GRAMD1B: variants seen among roughly 807,000 people sequenced by gnomAD.
GRAMD1B encodes the protein protein Aster-B.
In GRAMD1B, 37 loss-of-function variants were observed where a neutral mutation model predicts 99.7. The observed-to-expected ratio is 0.37, with a 90% CI of 0.29 to 0.49. The LOEUF (loss-of-function observed/expected upper bound fraction) is 0.49. Among genes scored for constraint, GRAMD1B ranks in the 20% least tolerant of loss-of-function variants. The pLI, the probability that GRAMD1B is intolerant of heterozygous loss-of-function variation, is 0.98. For missense variants in GRAMD1B, 888 were observed against 1,009.2 expected, an observed-to-expected ratio of 0.88 and a Z score of 1.63; for synonymous variants, 427 against 387.6, an observed-to-expected ratio of 1.10 and a Z score of -1.19.
chr11:123,572,936 C>T (rs1292348629), intron 2 of GRAMD1B, among the ~76,000 whole-genome samples: 1 of 149,838 alleles, frequency 6.7e-6, no homozygotes, highest in East Asian at 2.0e-4. Flanking sequence ...ACAAAGAGGC[C>T]CCGATGGCTG....
At chr11:123,362,108 T>TCC (rs1236527981) in intron 1 of GRAMD1B, among the ~76,000 whole-genome samples, 1 of 152,218 alleles carries the variant, frequency 6.6e-6, no homozygotes, top group Admixed American at 6.5e-5. Flanking sequence ...TCTTAGGTGT[T>TCC]CCTTAAACCA....
chr11:123,476,316 G>A (rs992774046), intron 1 of GRAMD1B, among the ~76,000 whole-genome samples: 1 of 152,108 alleles, frequency 6.6e-6, no homozygotes, highest in African/African-American at 2.4e-5. Flanking sequence ...GGCCAGGCTG[G>A]TCTCGAACTC....
chr11:123,612,656 G>C, intron 14 of GRAMD1B, 105 bp from the exon 15 acceptor site: 1 of 724,208 alleles, frequency 1.4e-6, no homozygotes, highest in East Asian at 2.7e-5. Flanking sequence ...GTAAAGTTTA[G>C]TACAAATGTG....
intron 7 of GRAMD1B, 33 bp downstream of exon 7, chr11:123,596,070 C>A: frequency 1.8e-6 from 2 of 1,085,704 alleles, no homozygotes; most frequent in East Asian, 2.5e-5. Context: ...CTTTCTAATC[C>A]TCCCTTACTC....
At chr11:123,360,812 CT>C (rs1389174307) in intron 1 of GRAMD1B, among the ~76,000 whole-genome samples, 1 of 139,400 alleles carries the variant, frequency 7.2e-6, no homozygotes, top group African/African-American at 2.7e-5. Flanking sequence ...TCCTTCCTTC[CT>C]TCCTTCCTTC....
chr11:123,488,535 C>T (rs1938149517), intron 2 of GRAMD1B, among the ~76,000 whole-genome samples: 1 of 152,200 alleles, frequency 6.6e-6, no homozygotes, highest in African/African-American at 2.4e-5. Context: ...ATTTTTCAGC[C>T]CAGTGACTTA....
intron 2 of GRAMD1B, among the ~76,000 whole-genome samples, chr11:123,550,671 C>T (rs1555068964): frequency 6.6e-6 from 1 of 152,118 alleles, no homozygotes; most frequent in Non-Finnish European, 1.5e-5. Context: ...TTAACTGGGG[C>T]ATCCAGCAAG....
At chr11:123,378,637 TC>T (rs1431141296) in intron 1 of GRAMD1B, among the ~76,000 whole-genome samples, 3 of 152,156 alleles carry the variant, frequency 2.0e-5, no homozygotes, top group Non-Finnish European at 4.4e-5. Flanking sequence ...CTGTCATGGT[TC>T]GGCCTTTGAA....
chr11:123,518,701 G>C (rs571573323), intron 2 of GRAMD1B, among the ~76,000 whole-genome samples: 1 of 152,320 alleles, frequency 6.6e-6, no homozygotes, highest in Non-Finnish European at 1.5e-5. Context: ...CTGGGCTGCT[G>C]TAAGAATCAC....
intron 2 of GRAMD1B, among the ~76,000 whole-genome samples, chr11:123,561,360 G>A (rs1946749221): frequency 6.6e-6 from 1 of 152,248 alleles, no homozygotes; most frequent in Non-Finnish European, 1.5e-5. Flanking sequence ...CAGGGAGAGG[G>A]CCATGGGACA....
chr11:123,492,666 C>T lies in GRAMD1B; in HGVS notation c.452+11773C>T, dbSNP rs1938687694. On this transcript the variant is annotated intron_variant, in intron 2 of 19. Transcript: ENST00000635736. This position sits in a 1 kb window ranked among gnomAD's most constrained non-coding sequence, Gnocchi z 4.2. Reference sequence around the variant, plus strand: ...AGAGAGGATCATGTAAACTTATGGGCAGGTTTGTGTGTTTTTGCTTTTGTT... The same window carrying T: ...AGAGAGGATCATGTAAACTTATGGGTAGGTTTGTGTGTTTTTGCTTTTGTT... 6.6e-6 allele frequency among the ~76,000 whole-genome samples: 1 copy of T among 152,014 alleles called. No homozygotes were observed.
intron 1 of GRAMD1B, among the ~76,000 whole-genome samples, chr11:123,372,528 G>A (rs933599681): frequency 2.0e-5 from 3 of 152,166 alleles, no homozygotes; most frequent in African/African-American, 7.2e-5. Flanking sequence ...TGGAGAAGGG[G>A]ACTCAGAGGT....
chr11:123,619,717 C>T (rs932761460), intron 19 of GRAMD1B: 1 of 167,536 alleles, frequency 6.0e-6, no homozygotes, highest in Non-Finnish European at 1.2e-5. Flanking sequence ...TACAGTTTGC[C>T]TGTATTCCCC....
intron 1 of GRAMD1B, among the ~76,000 whole-genome samples, chr11:123,398,414 C>T (rs1157517170): frequency 6.6e-6 from 1 of 152,172 alleles, no homozygotes; most frequent in Admixed American, 6.5e-5. Context: ...CTTATCTAAT[C>T]CTAAATACCT....
intron 1 of GRAMD1B, among the ~76,000 whole-genome samples, chr11:123,442,887 G>C (rs1284761837): frequency 6.6e-6 from 1 of 151,988 alleles, no homozygotes; most frequent in Non-Finnish European, 1.5e-5. Context: ...GACTATATAG[G>C]GTGAGTTCCT....
chr11:123,369,092 TAA>T (rs1350523264), intron 1 of GRAMD1B, among the ~76,000 whole-genome samples: 4 of 152,078 alleles, frequency 2.6e-5, no homozygotes, highest in African/African-American at 9.7e-5. Context: ...GCTGGGAGTT[TAA>T]GACTGGCCTG....
chr11:123,605,142 G>A (rs1952537434), intron 9 of GRAMD1B, among the ~76,000 whole-genome samples, 180 bp from the exon 10 acceptor site: 1 of 152,178 alleles, frequency 6.6e-6, no homozygotes. Context: ...GGGATATGAA[G>A]GAGATTTCAG....
At chr11:123,544,253 G>C (rs1210398808) in intron 2 of GRAMD1B, among the ~76,000 whole-genome samples, 8 of 152,154 alleles carry the variant, frequency 5.3e-5, no homozygotes, top group Non-Finnish European at 1.2e-4. Flanking sequence ...ACTGCTCAAT[G>C]TATGCCAATA....
chr11:123,558,438 G>A (rs1163407332), intron 2 of GRAMD1B, among the ~76,000 whole-genome samples: 2 of 152,180 alleles, frequency 1.3e-5, no homozygotes, highest in East Asian at 1.9e-4. Flanking sequence ...AAGGGCAGGG[G>A]CAGGAGAGGT....
Sources: gnomAD v4.1 joint callset for allele counts (sites outside exome capture counted in the v4.1 genomes callset) on GRCh38, gnomAD v4.1.1 for gene constraint, Gnocchi (gnomAD v3.1) non-coding constraint, MANE v1.5 for transcripts, NCBI Gene and HGNC (gene_info 2026-07-23, HGNC 2026-07-21) for gene names.